The following SNX29 variants were observed in gnomAD, a reference collection of about 807,000 sequenced individuals.
SNX29 encodes the protein sorting nexin 29.
Under a neutral mutation model 102.1 loss-of-function variants are expected in SNX29, and 78 were observed. That is an observed-to-expected ratio of 0.76 (90% CI 0.64 to 0.92). The LOEUF (loss-of-function observed/expected upper bound fraction) is 0.92, where lower values mean the gene tolerates loss of function less well. Among genes scored for constraint, SNX29 ranks in the 40% least tolerant of loss-of-function variants. The pLI, the probability that SNX29 is intolerant of heterozygous loss-of-function variation, is 0.00. For synonymous variants in SNX29, 580 were observed against 414.5 expected, an observed-to-expected ratio of 1.40 and a Z score of -4.85; for missense variants, 1,280 against 1,061.7, an observed-to-expected ratio of 1.21 and a Z score of -2.86.
At chr16:12,433,040 G>A (rs115194514) in intron 18 of SNX29, among the ~76,000 whole-genome samples, 1,544 of 152,332 alleles carry the variant, frequency 0.01, 32 homozygotes, top group African/African-American at 0.035. Flanking sequence ...TATGCAGAAT[G>A]TGGAGCGGGT....
chr16:12,539,619 G>C (rs779592329), intron 20 of SNX29, among the ~76,000 whole-genome samples: 14 of 152,210 alleles, frequency 9.2e-5, no homozygotes, highest in Non-Finnish European at 1.9e-4. Flanking sequence ...TTGAGGACTG[G>C]ATCCTATGCT....
chr16:12,207,780 G>A (rs1253130125), intron 14 of SNX29, among the ~76,000 whole-genome samples: 2 of 152,110 alleles, frequency 1.3e-5, no homozygotes, highest in Non-Finnish European at 2.9e-5. Context: ...AACCCCTGTG[G>A]TGCTTGCTAC....
At chr16:12,551,408 G>A (rs1160569685) in intron 20 of SNX29, among the ~76,000 whole-genome samples, 1 of 152,138 alleles carries the variant, frequency 6.6e-6, no homozygotes, top group African/African-American at 2.4e-5. Flanking sequence ...TCAAGTTGGG[G>A]TCTCAGCCAC....
At chr16:12,179,034 A>G (rs2076323411) in intron 13 of SNX29, among the ~76,000 whole-genome samples, 1 of 152,146 alleles carries the variant, frequency 6.6e-6, no homozygotes, top group Admixed American at 6.5e-5. Flanking sequence ...TGTAATACTG[A>G]GTTTGAATGG....
At chr16:12,232,352 C>A (rs577247790) in intron 14 of SNX29, among the ~76,000 whole-genome samples, 51 of 152,306 alleles carry the variant, frequency 3.3e-4, no homozygotes, top group African/African-American at 1.2e-3. Flanking sequence ...CGTGGTGAAA[C>A]CCCGTCTCTA....
intron 18 of SNX29, among the ~76,000 whole-genome samples, chr16:12,419,355 C>T (rs558964468): frequency 6.6e-6 from 1 of 152,272 alleles, no homozygotes; most frequent in Admixed American, 6.5e-5. Flanking sequence ...GGCAGGGCTC[C>T]TCCAATGGGG....
intron 19 of SNX29, among the ~76,000 whole-genome samples, chr16:12,479,258 A>G (rs915618727): frequency 6.6e-6 from 1 of 152,236 alleles, no homozygotes; most frequent in African/African-American, 2.4e-5. Context: ...GGCAGATGCC[A>G]TATGGGGCGA....
At chr16:12,093,052 CTT>C (rs1377955424) in intron 11 of SNX29, among the ~76,000 whole-genome samples, 2 of 152,248 alleles carry the variant, frequency 1.3e-5, no homozygotes, top group Non-Finnish European at 2.9e-5. Context: ...GAGATGCTGT[CTT>C]ATGGAGTTTG....
rs144126306 is a variant in SNX29, at chr16:12,306,559, G to A, written c.1782+28523G>A. Among the ~76,000 whole-genome samples, 850 of 152,312 alleles carry A rather than the reference G, an allele frequency of 5.6e-3. 5 individuals are homozygous for A. Among genetic ancestry groups the A allele is most frequent in the Middle Eastern group, 0.014 (4 of 294 alleles). ...TGTCCTTTCCTGGCCAGGGCTGAGC[G>A]TGTAAATGCCTTTGAATACGTGTTT... On this transcript the variant is annotated intron_variant, in intron 15 of 20. Coordinates refer to ENST00000566228, the MANE Select transcript of SNX29 (RefSeq NM_032167.5).
At chr16:12,172,086 T>A (rs2076162176) in intron 13 of SNX29, among the ~76,000 whole-genome samples, 1 of 152,232 alleles carries the variant, frequency 6.6e-6, no homozygotes, top group Non-Finnish European at 1.5e-5. Context: ...ATTCTGGAAG[T>A]GTTACTCTCT....
intron 11 of SNX29, among the ~76,000 whole-genome samples, chr16:12,120,752 C>G (rs1398460582): frequency 6.6e-6 from 1 of 152,198 alleles, no homozygotes; most frequent in Admixed American, 6.5e-5. Flanking sequence ...CATGTGGTCA[C>G]TGCCGAGAAA....
intron 2 of SNX29, among the ~76,000 whole-genome samples, chr16:12,002,557 G>A (rs779237863): frequency 3.7e-4 from 56 of 151,938 alleles, no homozygotes; most frequent in Non-Finnish European, 6.2e-4. Flanking sequence ...CTGTTGTAAC[G>A]TCATAGCCAG....
intron 20 of SNX29, among the ~76,000 whole-genome samples, chr16:12,534,371 A>C (rs2077013677): frequency 6.6e-6 from 1 of 152,026 alleles, no homozygotes; most frequent in East Asian, 1.9e-4. Context: ...CACCTCTCAC[A>C]CCTTCTCTGT....
At chr16:12,552,242 C>T (rs144154615) in intron 20 of SNX29, among the ~76,000 whole-genome samples, 13 of 147,850 alleles carry the variant, frequency 8.8e-5, no homozygotes, top group African/African-American at 2.9e-4. Context: ...CATGCCCCAG[C>T]TTTGCCTCCT....
chr16:12,119,304 A>T (rs186028942), intron 11 of SNX29, among the ~76,000 whole-genome samples: 56 of 152,242 alleles, frequency 3.7e-4, no homozygotes, highest in African/African-American at 1.3e-3. Context: ...TGCCTTAAGG[A>T]TTCGTAGTAC....
chr16:12,282,707 G>A (rs1490863628), intron 15 of SNX29, among the ~76,000 whole-genome samples: 1 of 152,174 alleles, frequency 6.6e-6, no homozygotes, highest in East Asian at 1.9e-4. Flanking sequence ...CCGGGCTGGA[G>A]TGCAATTGCC....
intron 9 of SNX29, among the ~76,000 whole-genome samples, chr16:12,063,064 G>A (rs1283536335): frequency 1.3e-5 from 2 of 152,218 alleles, no homozygotes; most frequent in African/African-American, 4.8e-5. Context: ...CTGCACTGCA[G>A]TGTGGCTGAC....
chr16:11,984,119 A>C (rs939184095), intron 1 of SNX29, among the ~76,000 whole-genome samples: 2 of 152,126 alleles, frequency 1.3e-5, no homozygotes, highest in Non-Finnish European at 2.9e-5. Flanking sequence ...TTAGGAGGCT[A>C]AGGTGGGAGG....
chr16:12,027,997 T>A (rs2057239543), intron 4 of SNX29, among the ~76,000 whole-genome samples: 1 of 152,220 alleles, frequency 6.6e-6, no homozygotes, highest in South Asian at 2.1e-4. Flanking sequence ...GGACTGTTAT[T>A]ACTGCCACTG....
Sources: allele counts gnomAD v4.1 joint callset (sites outside exome capture counted in the v4.1 genomes callset), GRCh38; gene constraint gnomAD v4.1.1; transcripts MANE v1.5; gene names NCBI Gene and HGNC (gene_info 2026-07-23, HGNC 2026-07-21).